CKLF: variants seen among roughly 807,000 people sequenced by gnomAD.
The protein encoded by CKLF is chemokine like factor, also known as chemokine-like factor.
Under a neutral mutation model 12.9 loss-of-function variants are expected in CKLF, and 16 were observed. That is an observed-to-expected ratio of 1.24 (90% CI 0.84 to 1.88). CKLF has a LOEUF of 1.88. CKLF is among the 40% of genes most tolerant of loss of function. The probability of loss-of-function intolerance (pLI) is 0.00; values close to 1 mark genes in which losing one functional copy is unlikely to be tolerated. For missense variants in CKLF, 172 were observed against 188.5 expected, an observed-to-expected ratio of 0.91 and a Z score of 0.51; for synonymous variants, 61 against 69.0, an observed-to-expected ratio of 0.88 and a Z score of 0.57.
At chr16:66,558,167 A>G (rs2011520394) in intron 1 of CKLF, 23 bp from the exon 2 acceptor site, 8 of 1,602,762 alleles carry the variant, frequency 5.0e-6, no homozygotes. Flanking sequence ...TCACTGAATA[A>G]ATCGTGGGTT....
Position 66,552,632 on chromosome 16 carries a change from G to C in CKLF, c.-84G>C, listed in dbSNP as rs996278494. 3.7e-6 allele frequency: 6 copies of C among 1,602,028 alleles called. No homozygotes were observed. Among genetic ancestry groups the C allele is most frequent in the Non-Finnish European group, 5.1e-6 (6 of 1,170,628 alleles). On this transcript the variant is annotated 5_prime_UTR_variant, in exon 1 of 4. Coordinates refer to ENST00000264001, the MANE Select transcript of CKLF (RefSeq NM_016951.4). ...GAGGGCGGTGCTCCGCCGCGGTGGCGGTTGCTATCGCTTCGCAGAACCTAC... is the reference window on the plus strand; with the variant it reads ...GAGGGCGGTGCTCCGCCGCGGTGGCCGTTGCTATCGCTTCGCAGAACCTAC...
Position 66,563,308 on chromosome 16 carries a change from A to G in CKLF, c.333+91A>G, listed in dbSNP as rs149100217. The G allele has an allele frequency of 7.5e-6, 11 of 1,462,288 alleles. No homozygotes were observed. The East Asian group carries it at 1.2e-4, about 16-fold the overall frequency. The allele number at this position is 1,462,288 out of a possible 1,614,324, so 90.6% of individuals were successfully genotyped here. On this transcript the variant is annotated intron_variant, in intron 3 of 3. Transcript: ENST00000264001. ...AGATGTAAGAATAGAAAGCTATACT[A>G]TATTCATCCTTGAGATTCCTAGGCC...
intron 1 of CKLF, among the ~76,000 whole-genome samples, chr16:66,557,292 C>G (rs572084990): frequency 1.9e-3 from 290 of 152,206 alleles, no homozygotes; most frequent in Middle Eastern, 0.01. Flanking sequence ...CTCAGCCACC[C>G]GAGTAGCTGG....
Position 66,565,930 on chromosome 16 carries a change from C to T in CKLF, c.378C>T (p.Ala126=). 1.2e-6 allele frequency: 2 copies of T among 1,614,046 alleles called. No homozygotes were observed. Among genetic ancestry groups the T allele is most frequent in the Non-Finnish European group, 1.7e-6 (2 of 1,179,966 alleles). ...VTAVCCLADG[A]LIYRKLLFNP... ...CAGTATGCTGTCTTGCCGACGGGGC[C>T]CTTATTTACCGGAAGCTTCTGTTCA... Residue 126 remains alanine (A), a synonymous_variant, in exon 4 of 4, where the codon GCC becomes GCT. Transcript: ENST00000264001.
intron 3 of CKLF, 107 bp from the exon 4 acceptor site, chr16:66,565,779 G>A (rs189671212): frequency 2.0e-6 from 2 of 982,382 alleles, no homozygotes; most frequent in South Asian, 1.3e-5. Context: ...GGAGCAATCC[G>A]AGTACCCTAG....
chr16:66,561,051 A>G (rs2011682906), intron 2 of CKLF, among the ~76,000 whole-genome samples: 1 of 152,184 alleles, frequency 6.6e-6, no homozygotes, highest in African/African-American at 2.4e-5. Flanking sequence ...CAGGTGGAGA[A>G]GTTGCCTGGG....
chr16:66,552,856 G>A (rs2232725), intron 1 of CKLF, 63 bp downstream of exon 1: 85,542 of 1,610,978 alleles, frequency 0.053, 5,798 homozygotes, highest in African/African-American at 0.27. Context: ...AGATGTGGGT[G>A]TGAAGTGCAA....
intron 1 of CKLF, among the ~76,000 whole-genome samples, chr16:66,554,810 G>A (rs1202410860): frequency 1.3e-5 from 2 of 152,244 alleles, no homozygotes; most frequent in East Asian, 1.9e-4. Context: ...AGAAAATCCA[G>A]TGCAGTGGCC....
chr16:66,553,037 G>A (rs2011245059), intron 1 of CKLF, among the ~76,000 whole-genome samples: 1 of 152,186 alleles, frequency 6.6e-6, no homozygotes, highest in Non-Finnish European at 1.5e-5. Flanking sequence ...GCGCACACCT[G>A]TGGTCCCAGC....
intron 2 of CKLF, among the ~76,000 whole-genome samples, chr16:66,560,366 G>A (rs762529466): frequency 7.2e-5 from 11 of 152,138 alleles, no homozygotes; most frequent in Non-Finnish European, 1.3e-4. Context: ...AGTTTTTGGA[G>A]GTTTTTAAGT....
intron 2 of CKLF, among the ~76,000 whole-genome samples, chr16:66,560,796 TATACAC>T (rs2011654765): frequency 9.1e-6 from 1 of 110,442 alleles, no homozygotes; most frequent in Non-Finnish European, 1.8e-5. Context: ...GAAAGATAAG[TATACAC>T]ACACACACAC....
chr16:66,563,222 G>C lies in CKLF; in HGVS notation c.333+5G>C. ...ACATTGACAGTTGGTGGAGGGGTAAGTGGAAGTCTTTCTGCTTGCTTTCTT... is the reference window on the plus strand; with the variant it reads ...ACATTGACAGTTGGTGGAGGGGTAACTGGAAGTCTTTCTGCTTGCTTTCTT... On this transcript the variant is annotated splice_donor_5th_base_variant and intron_variant, in intron 3 of 3. Coordinates refer to ENST00000264001, the MANE Select transcript of CKLF (RefSeq NM_016951.4). The C allele has an allele frequency of 1.2e-6, 2 of 1,611,772 alleles. No individual in the cohort carries two copies. The highest frequency in any genetic ancestry group is 8.5e-7 in the Non-Finnish European group (1 of 1,179,510).
intron 2 of CKLF, among the ~76,000 whole-genome samples, chr16:66,561,292 A>C (rs2011700538): frequency 6.6e-6 from 1 of 151,836 alleles, no homozygotes; most frequent in African/African-American, 2.4e-5. Flanking sequence ...GACAGAAAAC[A>C]CAAAAAGCCA....
At chr16:66,552,566 C>A, upstream of CKLF, 2 of 1,248,758 alleles carry the variant, frequency 1.6e-6, no homozygotes, top group South Asian at 1.4e-5. Flanking sequence ...CGTGCGCATG[C>A]GCGCAAGAGA....
chr16:66,565,996 A>T lies in CKLF; in HGVS notation c.444A>T (p.Lys148Asn), dbSNP rs1282489072. Reference protein sequence around the residue: ...GPYQKKPVHEKKEVL With the variant: ...GPYQKKPVHENKEVL ...ACCAGAAAAAGCCTGTGCATGAAAA[A>T]AAAGAAGTTTTGTAATTTTATATTA... The change falls in exon 4 of 4, where the codon AAA (lysine) becomes AAT (asparagine). Residue 148 changes from lysine (K) to asparagine (N), a missense_variant. Physicochemically the swap from Lys to Asn is moderately conservative, Grantham distance 94. Coordinates refer to ENST00000264001, the MANE Select transcript of CKLF (RefSeq NM_016951.4). The T allele has an allele frequency of 6.2e-7, 1 of 1,611,872 alleles. No homozygotes were observed. The highest frequency in any genetic ancestry group is 1.1e-5 in the South Asian group (1 of 90,956).
chr16:66,562,657 G>T (rs1439314875), intron 2 of CKLF, among the ~76,000 whole-genome samples: 4 of 152,116 alleles, frequency 2.6e-5, no homozygotes, highest in Non-Finnish European at 4.4e-5. Context: ...TGACATTTTG[G>T]TTTCCTGAAA....
chr16:66,558,460 T>C, intron 2 of CKLF, 112 bp downstream of exon 2: 2 of 1,438,332 alleles, frequency 1.4e-6, no homozygotes, highest in Non-Finnish European at 1.9e-6. Flanking sequence ...CTGTTAGGCT[T>C]AGGAAGGAGG....
intron 2 of CKLF, among the ~76,000 whole-genome samples, chr16:66,561,072 A>C (rs1242647184): frequency 6.6e-6 from 1 of 152,180 alleles, no homozygotes; most frequent in Non-Finnish European, 1.5e-5. Flanking sequence ...GATGTTACCT[A>C]AAGTGTAGGA....
Position 66,556,085 on chromosome 16 carries a change from G to A in CKLF, c.79-2105G>A, listed in dbSNP as rs576185302. On this transcript the variant is annotated intron_variant, in intron 1 of 3. Transcript: ENST00000264001. ...ATGTGGAGAATGGACCTGGGTTAGA[G>A]ACCCAGACTCATTGAGTGGAATGAG... 1.2e-4 allele frequency among the ~76,000 whole-genome samples: 18 copies of A among 152,234 alleles called. No homozygotes were observed. The South Asian group carries it at 3.5e-3, about 30-fold the overall frequency.
Sources: allele counts gnomAD v4.1 joint callset (sites outside exome capture counted in the v4.1 genomes callset), GRCh38; gene constraint gnomAD v4.1.1; transcripts MANE v1.5; gene names NCBI Gene and HGNC (gene_info 2026-07-23, HGNC 2026-07-21).